The following FHIP1A variants were observed in gnomAD, a reference collection of about 807,000 sequenced individuals.
FHIP1A encodes FHF complex subunit HOOK-interacting protein 1A.
Under a neutral mutation model 88.6 loss-of-function variants are expected in FHIP1A, and 61 were observed. That is an observed-to-expected ratio of 0.69 (90% CI 0.56 to 0.85). The LOEUF is 0.85. Among genes scored for constraint, FHIP1A ranks in the 40% least tolerant of loss-of-function variants. The probability of loss-of-function intolerance (pLI) is 0.00; values close to 1 mark genes in which losing one functional copy is unlikely to be tolerated. For missense variants in FHIP1A, 1,154 were observed against 1,273.5 expected (o/e 0.91, Z 1.43); for synonymous variants, 478 against 496.0 (o/e 0.96, Z 0.48).
In FHIP1A at chr4:151,667,269, A is replaced by C. The variant is rs1366909; in HGVS notation, c.*4515A>C. 0.6 allele frequency: 91,129 copies of C among 152,094 alleles called. 29,871 individuals are homozygous for C. The highest frequency in any genetic ancestry group is 0.89 in the African/African-American group (36,846 of 41,496). The allele number at this position is 152,094 out of a possible 1,614,324, so 9.4% of individuals were successfully genotyped here. ...TTGCTTCAGCCATCAGTCTATAAAT[A>C]ACACAACACTAATTTTCCATCAAGT... On this transcript the variant is annotated 3_prime_UTR_variant, in exon 14 of 14. Transcript: ENST00000435205.
chr4:151,414,884 T>C (rs149670261), intron 1 of FHIP1A, among the ~76,000 whole-genome samples: 84 of 152,298 alleles, frequency 5.5e-4, no homozygotes, highest in African/African-American at 1.9e-3. Flanking sequence ...TTATTCAAAT[T>C]CTAAACAATA....
intron 5 of FHIP1A, among the ~76,000 whole-genome samples, chr4:151,583,016 T>C (rs1434157366): frequency 6.6e-6 from 1 of 152,176 alleles, no homozygotes; most frequent in African/African-American, 2.4e-5. Flanking sequence ...GTAGTAATTA[T>C]CTTTCTTGCC....
chr4:151,479,253 G>A (rs1203390635), intron 2 of FHIP1A, among the ~76,000 whole-genome samples: 2 of 151,988 alleles, frequency 1.3e-5, no homozygotes, highest in Non-Finnish European at 2.9e-5. Flanking sequence ...TCATCTTTTA[G>A]CACAACTTAA....
chr4:151,461,079 T>C (rs991912358), intron 2 of FHIP1A, among the ~76,000 whole-genome samples: 2 of 152,190 alleles, frequency 1.3e-5, no homozygotes, highest in Non-Finnish European at 2.9e-5. Flanking sequence ...AGGTGGAATC[T>C]GGAGAGGACA....
rs1297158463 is a variant in FHIP1A at position 151,577,682 on chromosome 4, A to G, written c.338A>G (p.Glu113Gly). The change falls in exon 5 of 14, where the codon GAG (glutamate) becomes GGG (glycine). Residue 113 changes from glutamate (E) to glycine (G), a missense_variant. Coordinates refer to ENST00000435205, the MANE Select transcript of FHIP1A (RefSeq NM_001109977.3). ...AGCTTGAGAAGGGAGTTTACTGATG[A>G]GACTAAAATTGAGCAGCTAAAGATG... ...LWSLRREFTD[E>G]TKIEQLKMYE... 6.4e-7 allele frequency: 1 copy of G among 1,551,624 alleles called. No homozygotes were observed.
intron 7 of FHIP1A, among the ~76,000 whole-genome samples, chr4:151,590,431 A>G (rs554893607): frequency 9.2e-5 from 14 of 152,316 alleles, no homozygotes; most frequent in East Asian, 7.7e-4. Context: ...GATGAAAGCC[A>G]CCTCAGAGAG....
chr4:151,666,818 C>A lies in FHIP1A; in HGVS notation c.*4064C>A, dbSNP rs17360385. 0.26 allele frequency among the ~76,000 whole-genome samples: 39,070 copies of A among 152,088 alleles called. 5,641 individuals carry two copies. Among genetic ancestry groups the A allele is most frequent in the Non-Finnish European group, 0.33 (22,322 of 67,972 alleles). On this transcript the variant is annotated 3_prime_UTR_variant, in exon 14 of 14. Transcript: ENST00000435205. ...AAATCAAGTGCTTTAACGATGGCAT[C>A]GTCCTCTGGGAATAATCAGTCCTTA...
At chr4:151,584,083 T>A (rs922975048) in intron 5 of FHIP1A, among the ~76,000 whole-genome samples, 1 of 152,068 alleles carries the variant, frequency 6.6e-6, no homozygotes, top group Non-Finnish European at 1.5e-5. Context: ...CAGAGAAATG[T>A]ATATTATTTT....
At chr4:151,610,278 T>C (rs1162431314) in intron 7 of FHIP1A, among the ~76,000 whole-genome samples, 2 of 152,246 alleles carry the variant, frequency 1.3e-5, no homozygotes, top group African/African-American at 4.8e-5. Flanking sequence ...GTTTTTGTTT[T>C]TATTGTTACA....
intron 2 of FHIP1A, among the ~76,000 whole-genome samples, chr4:151,476,082 G>A (rs539058025): frequency 1.3e-5 from 2 of 151,014 alleles, no homozygotes; most frequent in Non-Finnish European, 2.9e-5. Flanking sequence ...GGATGGTCTC[G>A]ATCTTTTGAC....
chr4:151,533,641 G>A (rs1043438179), intron 3 of FHIP1A, among the ~76,000 whole-genome samples: 3 of 152,184 alleles, frequency 2.0e-5, no homozygotes, highest in African/African-American at 7.2e-5. Flanking sequence ...GTAAAATTTG[G>A]TGTAGGGTTT....
chr4:151,541,607 G>T (rs1732294476), intron 3 of FHIP1A, among the ~76,000 whole-genome samples: 1 of 152,198 alleles, frequency 6.6e-6, no homozygotes, highest in East Asian at 1.9e-4. Flanking sequence ...GGAGTAATCT[G>T]TGAGTACACA....
At chr4:151,449,274 C>T (rs1728713263) in intron 1 of FHIP1A, among the ~76,000 whole-genome samples, 1 of 152,094 alleles carries the variant, frequency 6.6e-6, no homozygotes, top group East Asian at 1.9e-4. Context: ...TCCTTTGAGG[C>T]AGGCATTATT....
At chr4:151,501,827 T>C (rs1269926351) in intron 3 of FHIP1A, among the ~76,000 whole-genome samples, 1 of 151,164 alleles carries the variant, frequency 6.6e-6, no homozygotes, top group African/African-American at 2.4e-5. Context: ...AAATATATTC[T>C]GGATACTAAA....
intron 3 of FHIP1A, among the ~76,000 whole-genome samples, chr4:151,529,996 G>A (rs1321339896): frequency 6.6e-6 from 1 of 152,152 alleles, no homozygotes; most frequent in African/African-American, 2.4e-5. Flanking sequence ...TTTCCCTAGT[G>A]TCACACAACC....
chr4:151,415,172 T>C (rs1272033756), intron 1 of FHIP1A, among the ~76,000 whole-genome samples: 4 of 151,246 alleles, frequency 2.6e-5, no homozygotes, highest in South Asian at 2.1e-4. Context: ...TGAATAGATA[T>C]AGTTTTTTTG....
rs556382764 is a variant in FHIP1A at position 151,669,053 on chromosome 4, A to G, written c.*6299A>G. On this transcript the variant is annotated 3_prime_UTR_variant, in exon 14 of 14. Coordinates refer to ENST00000435205, the MANE Select transcript of FHIP1A (RefSeq NM_001109977.3). ...AGTAGACCAGACTAAACGCACACTC[A>G]TGCAAGAATGTAAAATTGTATTTCA... Among the ~76,000 whole-genome samples the G allele has an allele frequency of 3.3e-5, 5 of 152,370 alleles. No homozygotes were observed. Among genetic ancestry groups the G allele is most frequent in the African/African-American group, 1.2e-4 (5 of 41,594 alleles).
At chr4:151,607,783 T>C (rs913515078) in intron 7 of FHIP1A, among the ~76,000 whole-genome samples, 5 of 152,172 alleles carry the variant, frequency 3.3e-5, no homozygotes, top group African/African-American at 1.2e-4. Context: ...CTTATCATTG[T>C]CTCTGGCACT....
intron 1 of FHIP1A, among the ~76,000 whole-genome samples, chr4:151,423,559 A>G (rs1348576945): frequency 6.6e-6 from 1 of 152,192 alleles, no homozygotes; most frequent in Non-Finnish European, 1.5e-5. Flanking sequence ...TCTTTGATTA[A>G]CCTTAGCTTC....
Sources: gnomAD v4.1 joint callset for allele counts (sites outside exome capture counted in the v4.1 genomes callset) on GRCh38, gnomAD v4.1.1 for gene constraint, MANE v1.5 for transcripts, NCBI Gene and HGNC (gene_info 2026-07-23, HGNC 2026-07-21) for gene names.